PRKCQ: variants seen among roughly 807,000 people sequenced by gnomAD.
PRKCQ encodes protein kinase C theta.
A neutral mutation model predicts 91.2 loss-of-function variants in PRKCQ; 41 were observed. The ratio of observed to expected loss-of-function variants is 0.45; its 90% CI spans 0.35 to 0.58. The LOEUF (loss-of-function observed/expected upper bound fraction) is 0.58, where lower values mean the gene tolerates loss of function less well. Ranked by LOEUF, PRKCQ falls within the 20% of genes least tolerant of loss-of-function variation. PRKCQ has a pLI of 0.00. For synonymous variants in PRKCQ, 307 were observed against 316.9 expected, an observed-to-expected ratio of 0.97 and a Z score of 0.33; for missense variants, 673 against 896.5, an observed-to-expected ratio of 0.75 and a Z score of 3.18.
At chr10:6,406,359 A>G in the PRKCQ span, among the ~76,000 whole-genome samples, 3 of 151,902 alleles carry the variant, frequency 2.0e-5, no homozygotes, top group South Asian at 6.3e-4. Flanking sequence ...AATTTGCACA[A>G]TGGGGCCCGT....
intron 15 of PRKCQ, among the ~76,000 whole-genome samples, chr10:6,456,104 CTTCT>C (rs1834986563): frequency 6.6e-6 from 1 of 152,120 alleles, no homozygotes; most frequent in Non-Finnish European, 1.5e-5. Context: ...GCAAATGTCA[CTTCT>C]TTGTGTGTCC....
At chr10:6,415,730 TTCTC>T in the PRKCQ span, among the ~76,000 whole-genome samples, 54 of 134,030 alleles carry the variant, frequency 4.0e-4, no homozygotes, top group Admixed American at 1.3e-3. Context: ...CTGCTAATGT[TTCTC>T]TCTCTCTCTC....
At chr10:6,503,110 G>C (rs574461429) in intron 4 of PRKCQ, among the ~76,000 whole-genome samples, 1 of 152,310 alleles carries the variant, frequency 6.6e-6, no homozygotes, top group African/African-American at 2.4e-5. Context: ...GAACTAATGA[G>C]AGCAGAGTGC....
intron 1 of PRKCQ, among the ~76,000 whole-genome samples, chr10:6,544,362 T>A (rs1427023914): frequency 1.3e-5 from 2 of 152,194 alleles, no homozygotes; most frequent in African/African-American, 4.8e-5. Context: ...CTGGTCACAC[T>A]GTCAACTGAA....
At chr10:6,448,798 C>T (rs1290466094) in intron 15 of PRKCQ, among the ~76,000 whole-genome samples, 1 of 152,096 alleles carries the variant, frequency 6.6e-6, no homozygotes, top group Non-Finnish European at 1.5e-5. Context: ...TCTGCAGACA[C>T]CGCTGCTGAT....
At chr10:6,555,885 T>G (rs1840392270) in intron 1 of PRKCQ, among the ~76,000 whole-genome samples, 1 of 152,108 alleles carries the variant, frequency 6.6e-6, no homozygotes, top group Non-Finnish European at 1.5e-5. Flanking sequence ...GGTGGATGCC[T>G]GTAATCTCAA....
intron 1 of PRKCQ, among the ~76,000 whole-genome samples, chr10:6,545,469 C>T (rs1032340363): frequency 6.6e-6 from 1 of 152,124 alleles, no homozygotes; most frequent in Non-Finnish European, 1.5e-5. Context: ...ACATTATGCT[C>T]GGTGAAAGAA....
intron 7 of PRKCQ, among the ~76,000 whole-genome samples, chr10:6,493,509 G>T (rs573808445): frequency 1.3e-5 from 2 of 152,262 alleles, no homozygotes; most frequent in East Asian, 3.9e-4. Flanking sequence ...CAAAGATGAT[G>T]TCCCCTTGAG....
At chr10:6,483,324 G>A (rs1836717453) in intron 11 of PRKCQ, 116 bp downstream of exon 11, 2 of 1,364,510 alleles carry the variant, frequency 1.5e-6, no homozygotes, top group African/African-American at 1.5e-5. Flanking sequence ...CAGGAAAGCT[G>A]TCTCTGACAC....
chr10:6,488,715 G>A (rs1719360385), intron 8 of PRKCQ, among the ~76,000 whole-genome samples: 1 of 152,094 alleles, frequency 6.6e-6, no homozygotes, highest in Non-Finnish European at 1.5e-5. Context: ...CGAGTATATA[G>A]GCATAGATAT....
chr10:6,495,907 T>C (rs1407379531), intron 7 of PRKCQ, among the ~76,000 whole-genome samples: 7 of 152,156 alleles, frequency 4.6e-5, no homozygotes, highest in African/African-American at 1.7e-4. Context: ...CCAGGTAATA[T>C]AGGCATAGAA....
At chr10:6,505,469 T>TCTC (rs149815375) in intron 4 of PRKCQ, among the ~76,000 whole-genome samples, 1 of 144,736 alleles carries the variant, frequency 6.9e-6, no homozygotes, top group Non-Finnish European at 1.5e-5. Flanking sequence ...AGGACCCTTT[T>TCTC]TCTCCTTCCT....
intron 12 of PRKCQ, among the ~76,000 whole-genome samples, chr10:6,476,820 T>C (rs1836291991): frequency 6.6e-6 from 1 of 152,180 alleles, no homozygotes; most frequent in South Asian, 2.1e-4. Context: ...GCAGAAAATC[T>C]AGACAACAGT....
At chr10:6,539,030 C>A (rs1010983684) in intron 1 of PRKCQ, among the ~76,000 whole-genome samples, 2 of 152,178 alleles carry the variant, frequency 1.3e-5, no homozygotes, top group African/African-American at 4.8e-5. Context: ...TCCCAAAGTA[C>A]TGGGATTACA....
the PRKCQ span, among the ~76,000 whole-genome samples, chr10:6,420,222 C>T: frequency 6.6e-6 from 1 of 152,122 alleles, no homozygotes; most frequent in African/African-American, 2.4e-5. Flanking sequence ...CTCCTGACCT[C>T]GTGATCCACC....
Position 6,576,284 on chromosome 10 carries a change from T to C in PRKCQ, c.-10+3927A>G, listed in dbSNP as rs1383019375. On this transcript the variant is annotated intron_variant, in intron 1 of 17. Transcript: ENST00000263125. This position sits in a 1 kb window ranked among gnomAD's most constrained non-coding sequence, Gnocchi z 4.2. Reference sequence around the variant, plus strand: ...CTCTTCACGGCAGCATTATTCACAATAATCAAAAGATAGAAGCAACCATCA... The same window carrying C: ...CTCTTCACGGCAGCATTATTCACAACAATCAAAAGATAGAAGCAACCATCA... 6.6e-6 allele frequency among the ~76,000 whole-genome samples: 1 copy of C among 152,146 alleles called. No individual in the cohort carries two copies. Among genetic ancestry groups the C allele is most frequent in the Non-Finnish European group, 1.5e-5 (1 of 68,020 alleles).
At chr10:6,461,201 A>C (rs1032777675) in intron 14 of PRKCQ, among the ~76,000 whole-genome samples, 4 of 151,384 alleles carry the variant, frequency 2.6e-5, no homozygotes, top group African/African-American at 9.7e-5. Context: ...TTGTCCATCC[A>C]TTCAACCATC....
At chr10:6,472,935 A>C (rs1046035197) in intron 12 of PRKCQ, among the ~76,000 whole-genome samples, 3 of 150,652 alleles carry the variant, frequency 2.0e-5, no homozygotes, top group African/African-American at 4.9e-5. Context: ...CTGGTCTCAA[A>C]CTCCTGACCC....
chr10:6,572,607 T>C (rs1322419756), intron 1 of PRKCQ, among the ~76,000 whole-genome samples: 2 of 152,236 alleles, frequency 1.3e-5, no homozygotes, highest in Non-Finnish European at 2.9e-5. Context: ...GGTGTGTATG[T>C]ACATTTTCTT....
Sources: gnomAD v4.1 joint callset for allele counts (sites outside exome capture counted in the v4.1 genomes callset) on GRCh38, gnomAD v4.1.1 for gene constraint, Gnocchi (gnomAD v3.1) non-coding constraint, MANE v1.5 for transcripts, NCBI Gene and HGNC (gene_info 2026-07-23, HGNC 2026-07-21) for gene names.